Variants in PCDH15 observed in about 807,000 individuals in gnomAD.
PCDH15 encodes the protein protocadherin related 15, also known as protocadherin-15.
PCDH15 carries 129 observed loss-of-function variants against 178.5 expected under a neutral mutation model. The observed-to-expected ratio is 0.72, with a 90% CI of 0.63 to 0.84. The LOEUF is 0.84. PCDH15 is among the 40% of genes least tolerant of loss of function. The probability of loss-of-function intolerance (pLI) is 0.00; values close to 1 mark genes in which losing one functional copy is unlikely to be tolerated. For missense variants in PCDH15, 2,230 were observed against 2,099.9 expected (o/e 1.06, Z -1.21); for synonymous variants, 800 against 732.0 (o/e 1.09, Z -1.50).
At chr10:54,936,588 A>T (rs576594321) in intron 2 of PCDH15, among the ~76,000 whole-genome samples, 1 of 151,958 alleles carries the variant, frequency 6.6e-6, no homozygotes, top group Non-Finnish European at 1.5e-5. Flanking sequence ...TGAATGCAAA[A>T]ATATATATTA....
intron 8 of PCDH15, among the ~76,000 whole-genome samples, chr10:54,316,562 AC>A (rs2061289545): frequency 1.1e-5 from 1 of 90,764 alleles, no homozygotes; most frequent in Non-Finnish European, 3.0e-5. Flanking sequence ...ACACACACAC[AC>A]ACACACACAC....
At chr10:55,351,081 C>T (rs565968409) in intron 2 of PCDH15, among the ~76,000 whole-genome samples, 6 of 138,906 alleles carry the variant, frequency 4.3e-5, no homozygotes, top group Non-Finnish European at 9.3e-5. Flanking sequence ...CCTCCTCCTC[C>T]TCCTCCTTCT....
intron 2 of PCDH15, among the ~76,000 whole-genome samples, chr10:54,551,154 CAAAAAAAAAA>C (rs57337778): frequency 1.9e-5 from 1 of 52,440 alleles, no homozygotes; most frequent in African/African-American, 7.7e-5. Context: ...GACTCTGTCT[CAAAAAAAAAA>C]AAAAAAAAAA....
At chr10:54,483,338 A>T (rs2136959334) in intron 3 of PCDH15, among the ~76,000 whole-genome samples, 1 of 151,906 alleles carries the variant, frequency 6.6e-6, no homozygotes, top group Middle Eastern at 3.4e-3. Flanking sequence ...AACAAGTTAT[A>T]TTGGTGTGGG....
intron 1 of PCDH15, among the ~76,000 whole-genome samples, chr10:54,794,076 A>G (rs2133597043): frequency 6.8e-6 from 1 of 147,824 alleles, no homozygotes; most frequent in East Asian, 2.0e-4. Flanking sequence ...TTTGAGATAT[A>G]TATATATTTC....
intron 1 of PCDH15, among the ~76,000 whole-genome samples, chr10:55,243,490 G>T (rs1332699831): frequency 6.6e-6 from 1 of 152,114 alleles, no homozygotes; most frequent in Non-Finnish European, 1.5e-5. Context: ...TTGTTACAGA[G>T]GTTTTGTTGT....
At chr10:55,464,656 G>GTATA (rs747775959) in intron 2 of PCDH15, among the ~76,000 whole-genome samples, 9 of 8,762 alleles carry the variant, frequency 1.0e-3, no homozygotes, top group African/African-American at 8.3e-3. Flanking sequence ...ATATATATAT[G>GTATA]TGTGTGTGTG....
At chr10:55,191,094 G>A (rs1317494360) in intron 1 of PCDH15, among the ~76,000 whole-genome samples, 8 of 151,666 alleles carry the variant, frequency 5.3e-5, no homozygotes, top group African/African-American at 1.9e-4. Flanking sequence ...ATTAGCTGGT[G>A]AATATAACAA....
At chr10:54,701,601 T>C (rs1402657837) in intron 1 of PCDH15, among the ~76,000 whole-genome samples, 1 of 151,930 alleles carries the variant, frequency 6.6e-6, no homozygotes, top group Non-Finnish European at 1.5e-5. Context: ...ATTAAAGGGA[T>C]GGAGAAAAAT....
chr10:55,509,513 A>C (rs1320027356), intron 2 of PCDH15, among the ~76,000 whole-genome samples: 2 of 151,824 alleles, frequency 1.3e-5, no homozygotes, highest in African/African-American at 4.8e-5. Flanking sequence ...CTTAGTCTAC[A>C]TATATTCTGT....
chr10:54,425,669 T>C (rs995181451), intron 3 of PCDH15, among the ~76,000 whole-genome samples: 9 of 152,002 alleles, frequency 5.9e-5, no homozygotes, highest in African/African-American at 2.2e-4. Context: ...TGTCATAAGG[T>C]TTTCAGCATA....
chr10:54,366,576 C>G (rs188680660), intron 5 of PCDH15, among the ~76,000 whole-genome samples: 1 of 151,918 alleles, frequency 6.6e-6, no homozygotes, highest in African/African-American at 2.4e-5. Flanking sequence ...GTCAACTAAA[C>G]CAATAGATAA....
chr10:53,967,478 C>T (rs763570969), intron 21 of PCDH15, among the ~76,000 whole-genome samples: 12 of 152,074 alleles, frequency 7.9e-5, no homozygotes, highest in South Asian at 2.1e-4. Flanking sequence ...CTTTATGTTG[C>T]CCAGGTTGGT....
At chr10:55,283,370 A>G (rs529959022) in intron 1 of PCDH15, among the ~76,000 whole-genome samples, 3 of 151,264 alleles carry the variant, frequency 2.0e-5, no homozygotes, top group African/African-American at 7.3e-5. Context: ...ATCCTTAAAA[A>G]CTCTGATCCC....
intron 2 of PCDH15, among the ~76,000 whole-genome samples, chr10:54,981,044 G>T (rs1458121516): frequency 6.6e-6 from 1 of 151,578 alleles, no homozygotes; most frequent in Non-Finnish European, 1.5e-5. Context: ...AAAAAAAAAT[G>T]GGCAAAAAGC....
At chr10:54,130,335 CAG>C (rs1407933694) in intron 15 of PCDH15, among the ~76,000 whole-genome samples, 3 of 152,178 alleles carry the variant, frequency 2.0e-5, no homozygotes, top group Admixed American at 6.5e-5. Flanking sequence ...CATAGCTGCA[CAG>C]AGTCAGGAAG....
intron 20 of PCDH15, among the ~76,000 whole-genome samples, chr10:54,009,153 C>T (rs1414112829): frequency 1.3e-5 from 2 of 151,784 alleles, no homozygotes; most frequent in Non-Finnish European, 2.9e-5. Flanking sequence ...AATCAGGTTA[C>T]CCCAGAAAAG....
At chr10:54,201,335 T>C in intron 10 of PCDH15, among the ~76,000 whole-genome samples, 1 of 152,242 alleles carries the variant, frequency 6.6e-6, no homozygotes, top group East Asian at 1.9e-4. Flanking sequence ...TAAAGGTAAA[T>C]ATTGCAATTT....
chr10:55,091,547 T>C (rs1317101305), intron 2 of PCDH15, among the ~76,000 whole-genome samples: 1 of 151,914 alleles, frequency 6.6e-6, no homozygotes, highest in South Asian at 2.1e-4. Flanking sequence ...TTACCAAGGG[T>C]ACAATTACTA....
Sources: gnomAD v4.1 joint callset for allele counts (sites outside exome capture counted in the v4.1 genomes callset) on GRCh38, gnomAD v4.1.1 for gene constraint, MANE v1.5 for transcripts, NCBI Gene and HGNC (gene_info 2026-07-23, HGNC 2026-07-21) for gene names.